The following COL22A1 variants were observed in gnomAD, a reference collection of about 807,000 sequenced individuals.
COL22A1 encodes the protein collagen alpha-1(XXII) chain.
Under a neutral mutation model 248.9 loss-of-function variants are expected in COL22A1, and 221 were observed. The observed-to-expected ratio is 0.89, with a 90% confidence interval of 0.80 to 0.99. COL22A1 has a LOEUF of 0.99. Among genes scored for constraint, COL22A1 ranks in the 50% least tolerant of loss-of-function variants. The pLI is 0.00. For synonymous variants in COL22A1, 891 were observed against 793.4 expected, an observed-to-expected ratio of 1.12 and a Z score of -2.07; for missense variants, 2,240 against 2,179.0, an observed-to-expected ratio of 1.03 and a Z score of -0.56.
At chr8:138,863,510 A>G (rs769360825) in intron 3 of COL22A1, among the ~76,000 whole-genome samples, 3 of 152,156 alleles carry the variant, frequency 2.0e-5, no homozygotes, top group Non-Finnish European at 4.4e-5. Flanking sequence ...CATGGATCAT[A>G]GTCTCTGGGG....
chr8:138,692,907 T>C (rs981890615), intron 35 of COL22A1, among the ~76,000 whole-genome samples: 14 of 152,132 alleles, frequency 9.2e-5, no homozygotes, highest in African/African-American at 3.4e-4. Flanking sequence ...ATACGCATGG[T>C]GGCCTGGTCA....
At chr8:138,606,494 A>C (rs757899732) in intron 57 of COL22A1, 42 bp from the exon 58 acceptor site, 8 of 1,592,004 alleles carry the variant, frequency 5.0e-6, no homozygotes, top group Non-Finnish European at 6.9e-6. Context: ...AAGGTCACGT[A>C]CCAACTCAAG....
In COL22A1 at chr8:138,636,726, T is replaced by C. The variant is rs746224881; in HGVS notation, c.3555+16A>G. The C allele has an allele frequency of 1.2e-6, 2 of 1,603,894 alleles. No individual in the cohort carries two copies. The highest frequency in any genetic ancestry group is 1.7e-6 in the Non-Finnish European group (2 of 1,170,830). Reference sequence around the variant, plus strand: ...CTTCCTCAGGGTGAATGGTTCCTTATAAAGTAAATTTTTACCTGATCACCT... The same window carrying C: ...CTTCCTCAGGGTGAATGGTTCCTTACAAAGTAAATTTTTACCTGATCACCT... On this transcript the variant is annotated intron_variant, in intron 48 of 64. Transcript: ENST00000303045.
At chr8:138,780,396 G>A (rs1281627398) in intron 13 of COL22A1, among the ~76,000 whole-genome samples, 1 of 152,210 alleles carries the variant, frequency 6.6e-6, no homozygotes, top group Admixed American at 6.5e-5. Context: ...CAGAACTAAT[G>A]TGTACTTGGA....
chr8:138,718,050 A>AT (rs1322543823), intron 27 of COL22A1, among the ~76,000 whole-genome samples: 1 of 152,176 alleles, frequency 6.6e-6, no homozygotes, highest in Non-Finnish European at 1.5e-5. Flanking sequence ...GGCTATAAAG[A>AT]TTTTTTGTGC....
chr8:138,806,135 T>A (rs1350638259), intron 10 of COL22A1, among the ~76,000 whole-genome samples: 1 of 116,826 alleles, frequency 8.6e-6, no homozygotes, highest in Non-Finnish European at 1.8e-5. Context: ...TAATGGTGTG[T>A]GGTGGTGTGT....
intron 1 of COL22A1, among the ~76,000 whole-genome samples, chr8:138,887,540 T>A (rs1824758299): frequency 1.3e-5 from 2 of 152,224 alleles, no homozygotes; most frequent in African/African-American, 4.8e-5. Flanking sequence ...CATTATATCT[T>A]GAGCAATGTC....
At chr8:138,616,098 C>G (rs539405448) in intron 54 of COL22A1, 44 bp from the exon 55 acceptor site, 1 of 1,525,704 alleles carries the variant, frequency 6.6e-7, no homozygotes, top group East Asian at 2.2e-5. Flanking sequence ...GATGCTTCAG[C>G]CACTGGCTGT....
At chr8:138,653,001 C>T (rs1822899072) in intron 45 of COL22A1, among the ~76,000 whole-genome samples, 1 of 152,034 alleles carries the variant, frequency 6.6e-6, no homozygotes, top group Non-Finnish European at 1.5e-5. Flanking sequence ...CCTGCTTCGG[C>T]CTCCCTAAGT....
Position 138,785,547 on chromosome 8 carries a change from C to T in COL22A1, c.1597-4567G>A, listed in dbSNP as rs905422851. Reference sequence around the variant, plus strand: ...GCCTGAGATGTTGGTCACCCACTTACGATGGCACGCCCTCGAATGACCAGT... The same window carrying T: ...GCCTGAGATGTTGGTCACCCACTTATGATGGCACGCCCTCGAATGACCAGT... On this transcript the variant is annotated intron_variant, in intron 12 of 64. Transcript: ENST00000303045. Among the ~76,000 whole-genome samples the T allele has an allele frequency of 2.6e-5, 4 of 152,200 alleles. No individual in the cohort carries two copies. The East Asian group carries it at 5.8e-4, about 22-fold the overall frequency.
intron 26 of COL22A1, 30 bp from the exon 27 acceptor site, chr8:138,720,822 G>A (rs2131133684): frequency 4.5e-6 from 7 of 1,551,474 alleles, no homozygotes; most frequent in Non-Finnish European, 5.3e-6. Context: ...AAGTTAACAG[G>A]AGACGGGCCA....
intron 30 of COL22A1, among the ~76,000 whole-genome samples, chr8:138,712,050 A>G (rs1304645350): frequency 6.6e-6 from 1 of 152,154 alleles, no homozygotes; most frequent in Non-Finnish European, 1.5e-5. Context: ...TTGGCCTGAG[A>G]TTACCTAAGT....
chr8:138,762,551 G>A, intron 16 of COL22A1, 85 bp from the exon 17 acceptor site: 1 of 1,280,016 alleles, frequency 7.8e-7, no homozygotes, highest in Non-Finnish European at 1.1e-6. Context: ...TGACCGTCAT[G>A]GACAAGGAGG....
chr8:138,725,503 G>C, intron 23 of COL22A1, 63 bp from the exon 24 acceptor site: 2 of 1,415,044 alleles, frequency 1.4e-6, no homozygotes, highest in Non-Finnish European at 9.7e-7. Flanking sequence ...AGGGACAGTG[G>C]GCATTTGAAA....
intron 3 of COL22A1, among the ~76,000 whole-genome samples, chr8:138,855,953 CT>C (rs1821974860): frequency 6.6e-6 from 1 of 152,198 alleles, no homozygotes; most frequent in Non-Finnish European, 1.5e-5. Context: ...CCATGCACAG[CT>C]CAGGCTGACT....
intron 41 of COL22A1, among the ~76,000 whole-genome samples, chr8:138,675,259 T>C (rs1176092233): frequency 6.6e-6 from 1 of 152,154 alleles, no homozygotes; most frequent in Non-Finnish European, 1.5e-5. Flanking sequence ...CAAGAACTAC[T>C]CTGGATGTAA....
At chr8:138,589,603 A>T (rs1487840797) in intron 64 of COL22A1, among the ~76,000 whole-genome samples, 163 bp from the exon 65 acceptor site, 1 of 152,254 alleles carries the variant, frequency 6.6e-6, no homozygotes, top group Non-Finnish European at 1.5e-5. Context: ...AGTGGTCCAC[A>T]TAAACACCAG....
chr8:138,661,358 T>C (rs1396303144), intron 43 of COL22A1, among the ~76,000 whole-genome samples: 12 of 152,218 alleles, frequency 7.9e-5, no homozygotes, highest in Non-Finnish European at 1.5e-4. Context: ...AAAAGTTGTA[T>C]GTCTAAGCAA....
chr8:138,669,638 T>C (rs1395789526), intron 41 of COL22A1, among the ~76,000 whole-genome samples: 1 of 152,172 alleles, frequency 6.6e-6, no homozygotes, highest in East Asian at 1.9e-4. Flanking sequence ...TAAACCTCTC[T>C]GAGCCTGAGT....
Sources: gnomAD v4.1 joint callset for allele counts (sites outside exome capture counted in the v4.1 genomes callset) on GRCh38, gnomAD v4.1.1 for gene constraint, MANE v1.5 for transcripts, NCBI Gene and HGNC (gene_info 2026-07-23, HGNC 2026-07-21) for gene names.